Variants in PAM observed in about 807,000 individuals in gnomAD.
PAM encodes peptidylglycine alpha-amidating monooxygenase.
PAM carries 72 observed loss-of-function variants against 122.1 expected under a neutral mutation model. The ratio of observed to expected loss-of-function variants is 0.59; its 90% CI spans 0.49 to 0.72. PAM has a LOEUF of 0.72. Among genes scored for constraint, PAM ranks in the 30% least tolerant of loss-of-function variants. The pLI is 0.00. For missense variants in PAM, 1,106 were observed against 1,183.7 expected (o/e 0.93, Z 0.96); for synonymous variants, 389 against 404.4 (o/e 0.96, Z 0.46).
intron 1 of PAM, among the ~76,000 whole-genome samples, chr5:102,824,255 G>A (rs1454795491): frequency 3.3e-5 from 5 of 152,148 alleles, no homozygotes; most frequent in Admixed American, 6.6e-5. Context: ...CATAGTATAC[G>A]GAACCAAATT....
intron 14 of PAM, among the ~76,000 whole-genome samples, chr5:102,971,464 G>C (rs1005484783): frequency 3.3e-5 from 5 of 152,156 alleles, no homozygotes; most frequent in Non-Finnish European, 4.4e-5. Context: ...GCCATACAGG[G>C]AAAGACCAGA....
At chr5:102,857,252 C>G (rs1185245081) in intron 1 of PAM, among the ~76,000 whole-genome samples, 2 of 152,182 alleles carry the variant, frequency 1.3e-5, no homozygotes, top group African/African-American at 4.8e-5. Flanking sequence ...CAGTGGCAGT[C>G]TGCGGATTGC....
Position 102,865,837 on chromosome 5 carries a change from C to T in PAM, c.-359C>T. On this transcript the variant is annotated 5_prime_UTR_variant, in exon 2 of 26. Coordinates refer to ENST00000438793, the MANE Select transcript of PAM (RefSeq NM_001177306.2). Reference sequence around the variant, plus strand: ...TATTTTTGCAGGTTCTGAATGATGACTGACGCGGGTTTGGGTGATACCCCT... The same window carrying T: ...TATTTTTGCAGGTTCTGAATGATGATTGACGCGGGTTTGGGTGATACCCCT... 4.2e-6 allele frequency: 1 copy of T among 237,422 alleles called. No individual in the cohort carries two copies. The highest frequency in any genetic ancestry group is 8.0e-6 in the Non-Finnish European group (1 of 125,034). 14.7% of individuals were successfully genotyped at this position (237,422 alleles called of 1,614,324 possible).
Position 102,822,928 on chromosome 5 carries a change from C to A in PAM, c.-373-42895C>A, listed in dbSNP as rs115238496. Among the ~76,000 whole-genome samples, 323 of 152,304 alleles carry A rather than the reference C, an allele frequency of 2.1e-3. 1 individual carries two copies. Among genetic ancestry groups the A allele is most frequent in the African/African-American group, 7.4e-3 (308 of 41,562 alleles). ...TGGATTCCTCCCCACTCATCCCAGT[C>A]CATGGCCCTCCCCCACCCTCTATGG... is the stretch of plus-strand genomic sequence containing the variant. On this transcript the variant is annotated intron_variant, in intron 1 of 25. Transcript: ENST00000438793.
At chr5:102,933,476 G>A (rs779241705) in intron 7 of PAM, among the ~76,000 whole-genome samples, 2 of 152,188 alleles carry the variant, frequency 1.3e-5, no homozygotes, top group Non-Finnish European at 2.9e-5. Flanking sequence ...TGATCCACTC[G>A]GGTGTGGTTT....
intron 7 of PAM, among the ~76,000 whole-genome samples, chr5:102,937,333 G>A (rs1397613719): frequency 6.6e-6 from 1 of 152,188 alleles, no homozygotes; most frequent in South Asian, 2.1e-4. Flanking sequence ...TGTGTTGACA[G>A]ACACTAGAAA....
chr5:102,895,669 G>A (rs537115014), intron 3 of PAM, among the ~76,000 whole-genome samples: 75 of 151,798 alleles, frequency 4.9e-4, no homozygotes, highest in African/African-American at 1.6e-3. Flanking sequence ...GTAAGATAGT[G>A]GACAGACCCA....
chr5:102,796,733 C>A (rs1763475709), intron 1 of PAM, among the ~76,000 whole-genome samples: 2 of 152,168 alleles, frequency 1.3e-5, no homozygotes, highest in African/African-American at 4.8e-5. Flanking sequence ...CTATAAATTT[C>A]CCTTTTTGAA....
intron 1 of PAM, among the ~76,000 whole-genome samples, chr5:102,816,269 A>G (rs1442095416): frequency 6.6e-6 from 1 of 152,136 alleles, no homozygotes; most frequent in Non-Finnish European, 1.5e-5. Flanking sequence ...TTACCACTGG[A>G]CACACATTTT....
chr5:103,004,204 G>T (rs1031189947), intron 17 of PAM, among the ~76,000 whole-genome samples: 50 of 152,154 alleles, frequency 3.3e-4, no homozygotes, highest in South Asian at 4.1e-4. Context: ...GTGTGTCAGG[G>T]GTGAAATGTT....
intron 1 of PAM, among the ~76,000 whole-genome samples, chr5:102,797,455 G>A (rs1337236524): frequency 1.3e-5 from 2 of 152,086 alleles, no homozygotes; most frequent in Admixed American, 1.3e-4. Context: ...TGATTTTGAA[G>A]GACATTTTGT....
intron 1 of PAM, among the ~76,000 whole-genome samples, chr5:102,797,944 A>G (rs951866602): frequency 6.6e-6 from 1 of 152,070 alleles, no homozygotes; most frequent in Non-Finnish European, 1.5e-5. Context: ...TCTATGGCCT[A>G]TTTTTATACA....
At chr5:102,786,480 T>G (rs75681046) in intron 1 of PAM, among the ~76,000 whole-genome samples, 4,213 of 152,286 alleles carry the variant, frequency 0.028, 116 homozygotes, top group East Asian at 0.14. Flanking sequence ...TCGTTGCTAT[T>G]AACAGTTTCT....
intron 1 of PAM, among the ~76,000 whole-genome samples, chr5:102,834,591 C>T (rs928200104): frequency 6.6e-6 from 1 of 152,086 alleles, no homozygotes; most frequent in Non-Finnish European, 1.5e-5. Flanking sequence ...GGAAGATTCA[C>T]TGAGAAAGTG....
At chr5:102,883,475 T>G (rs1791970122) in intron 3 of PAM, among the ~76,000 whole-genome samples, 1 of 152,090 alleles carries the variant, frequency 6.6e-6, no homozygotes, top group Non-Finnish European at 1.5e-5. Flanking sequence ...TTTACAGCTA[T>G]TGTAAAAGGG....
At chr5:102,940,336 T>C (rs1054621660) in intron 7 of PAM, among the ~76,000 whole-genome samples, 1 of 151,504 alleles carries the variant, frequency 6.6e-6, no homozygotes, top group African/African-American at 2.4e-5. Flanking sequence ...TTCTTTATGG[T>C]TTCTAGACTT....
chr5:102,829,048 G>T (rs527663337), intron 1 of PAM, among the ~76,000 whole-genome samples: 58 of 150,616 alleles, frequency 3.9e-4, no homozygotes, highest in African/African-American at 1.4e-3. Context: ...TTATTTTAAA[G>T]ACTTAAAGAT....
At chr5:103,009,143 T>C (rs1210605007) in intron 20 of PAM, among the ~76,000 whole-genome samples, 5 of 152,158 alleles carry the variant, frequency 3.3e-5, no homozygotes, top group Non-Finnish European at 2.9e-5. Flanking sequence ...CAGTATTGTG[T>C]TAAGAAATAT....
intron 1 of PAM, among the ~76,000 whole-genome samples, chr5:102,785,484 T>C (rs1323748416): frequency 6.6e-6 from 1 of 152,050 alleles, no homozygotes; most frequent in Non-Finnish European, 1.5e-5. Context: ...CCTTTAGAAG[T>C]ATCATGTGGA....
Sources: gnomAD v4.1 joint callset for allele counts (sites outside exome capture counted in the v4.1 genomes callset) on GRCh38, gnomAD v4.1.1 for gene constraint, MANE v1.5 for transcripts, NCBI Gene and HGNC (gene_info 2026-07-23, HGNC 2026-07-21) for gene names.